PTPN4: variants seen among roughly 807,000 people sequenced by gnomAD.
The protein encoded by PTPN4 is protein tyrosine phosphatase non-receptor type 4.
A neutral mutation model predicts 135.5 loss-of-function variants in PTPN4; 49 were observed. The observed-to-expected ratio is 0.36, with a 90% CI of 0.29 to 0.46. The LOEUF is 0.46. PTPN4 is among the 20% of genes least tolerant of loss of function. The probability of loss-of-function intolerance (pLI) is 1.00; values close to 1 mark genes in which losing one functional copy is unlikely to be tolerated. For missense variants in PTPN4, 860 were observed against 1,101.0 expected (o/e 0.78, Z 3.10); for synonymous variants, 333 against 369.9 (o/e 0.90, Z 1.14).
chr2:119,871,878 G>C (rs1677915280), intron 3 of PTPN4, among the ~76,000 whole-genome samples: 1 of 152,072 alleles, frequency 6.6e-6, no homozygotes, highest in Admixed American at 6.6e-5. Context: ...CAGATTCATG[G>C]TTAGTTGGTC....
chr2:119,882,636 T>C lies in PTPN4; in HGVS notation c.587+13T>C. Reference sequence around the variant, plus strand: ...ATCAGCAACACATGTAAGAGTTTTTTAGTTTTTTATTTGATAAACTTCTTA... The same window carrying C: ...ATCAGCAACACATGTAAGAGTTTTTCAGTTTTTTATTTGATAAACTTCTTA... On this transcript the variant is annotated intron_variant, in intron 8 of 26. Transcript: ENST00000263708. 1 of 1,493,208 alleles carries C rather than the reference T, an allele frequency of 6.7e-7. No homozygotes were observed. The highest frequency in any genetic ancestry group is 1.3e-5 in the South Asian group (1 of 79,500). The allele number at this position is 1,493,208 out of a possible 1,614,324, so 92.5% of individuals were successfully genotyped here.
intron 2 of PTPN4, among the ~76,000 whole-genome samples, chr2:119,861,911 G>A (rs886554522): frequency 6.6e-6 from 1 of 152,032 alleles, no homozygotes; most frequent in Non-Finnish European, 1.5e-5. Flanking sequence ...TGAGTACTTT[G>A]GCAATGAAAA....
At chr2:119,817,902 C>G (rs1677012593) in intron 2 of PTPN4, among the ~76,000 whole-genome samples, 1 of 152,060 alleles carries the variant, frequency 6.6e-6, no homozygotes, top group South Asian at 2.1e-4. Flanking sequence ...TGTTCCTAGA[C>G]ATTTTATTCT....
chr2:119,819,920 G>A (rs1300883815), intron 2 of PTPN4, among the ~76,000 whole-genome samples: 1 of 152,048 alleles, frequency 6.6e-6, no homozygotes, highest in Non-Finnish European at 1.5e-5. Flanking sequence ...GAATGTGGTA[G>A]TACCACCATA....
intron 3 of PTPN4, among the ~76,000 whole-genome samples, chr2:119,872,953 A>G (rs1677933892): frequency 6.6e-6 from 1 of 152,170 alleles, no homozygotes; most frequent in African/African-American, 2.4e-5. Context: ...GACCAAGGCT[A>G]TTTACAATAG....
intron 1 of PTPN4, among the ~76,000 whole-genome samples, chr2:119,772,391 C>T (rs928380496): frequency 2.0e-5 from 3 of 152,100 alleles, no homozygotes; most frequent in African/African-American, 7.2e-5. Context: ...TTGTTATATG[C>T]AATTCTGAAA....
At chr2:119,822,224 T>C (rs951706802) in intron 2 of PTPN4, among the ~76,000 whole-genome samples, 1 of 152,176 alleles carries the variant, frequency 6.6e-6, no homozygotes, top group African/African-American at 2.4e-5. Flanking sequence ...CTCACACTTA[T>C]CCTCCAATGT....
intron 1 of PTPN4, among the ~76,000 whole-genome samples, chr2:119,785,334 A>C (rs574852602): frequency 2.0e-5 from 3 of 152,298 alleles, no homozygotes; most frequent in Middle Eastern, 3.4e-3. Context: ...ATTGGGTCCC[A>C]AAAATCTGTA....
Position 119,979,088 on chromosome 2 carries a change from AAT to A in PTPN4, c.*2022_*2023del, listed in dbSNP as rs1169558455. 1.3e-5 allele frequency: 2 copies of A among 152,138 alleles called. No homozygotes were observed. Among genetic ancestry groups the A allele is most frequent in the African/African-American group, 4.8e-5 (2 of 41,466 alleles). 9.4% of individuals were successfully genotyped at this position (152,138 alleles called of 1,614,324 possible). On this transcript the variant is annotated 3_prime_UTR_variant, in exon 27 of 27. Coordinates refer to ENST00000263708, the MANE Select transcript of PTPN4 (RefSeq NM_002830.4). Reference sequence around the variant, plus strand: ...GGTCATTCTGTTCTATAAACAGACAAATATAATTTAGGCTGCTATATGACATG... The same window carrying A: ...GGTCATTCTGTTCTATAAACAGACAAATAATTTAGGCTGCTATATGACATG...
At chr2:119,796,781 C>T (rs538623274) in intron 1 of PTPN4, among the ~76,000 whole-genome samples, 2 of 152,122 alleles carry the variant, frequency 1.3e-5, no homozygotes, top group South Asian at 4.1e-4. Flanking sequence ...ATTGTTGTAA[C>T]ATTTTATATT....
chr2:119,956,237 A>AAT (rs1679279639), intron 20 of PTPN4, among the ~76,000 whole-genome samples: 1 of 101,044 alleles, frequency 9.9e-6, no homozygotes, highest in Non-Finnish European at 1.9e-5. Flanking sequence ...ATAAACCTGA[A>AAT]TTTTTTTTTT....
chr2:119,793,916 C>G (rs765010201), intron 1 of PTPN4, among the ~76,000 whole-genome samples: 2 of 111,508 alleles, frequency 1.8e-5, no homozygotes, highest in Non-Finnish European at 3.3e-5. Context: ...AGTGCAGTGG[C>G]TTAATCATAG....
chr2:119,889,019 C>T (rs892347122), intron 9 of PTPN4, among the ~76,000 whole-genome samples: 1 of 152,092 alleles, frequency 6.6e-6, no homozygotes, highest in Non-Finnish European at 1.5e-5. Context: ...CATTATTGGT[C>T]TCTTCAGGTT....
intron 9 of PTPN4, among the ~76,000 whole-genome samples, chr2:119,890,794 C>T (rs1373170215): frequency 1.3e-5 from 2 of 152,080 alleles, no homozygotes; most frequent in Non-Finnish European, 2.9e-5. Flanking sequence ...TATAGAATTC[C>T]CACAGGATTT....
At chr2:119,869,930 G>T (rs1270558047) in intron 3 of PTPN4, among the ~76,000 whole-genome samples, 1 of 152,232 alleles carries the variant, frequency 6.6e-6, no homozygotes, top group African/African-American at 2.4e-5. Flanking sequence ...AGATTTCTGG[G>T]TAATGTAGTA....
chr2:119,876,258 A>C (rs1314017703), intron 3 of PTPN4, among the ~76,000 whole-genome samples: 1 of 152,196 alleles, frequency 6.6e-6, no homozygotes, highest in African/African-American at 2.4e-5. Context: ...TTTTAGGACT[A>C]TTCTTGCTTC....
At chr2:119,892,885 TG>T (rs1203993778) in intron 9 of PTPN4, among the ~76,000 whole-genome samples, 4 of 135,700 alleles carry the variant, frequency 2.9e-5, no homozygotes, top group African/African-American at 1.2e-4. Context: ...CCATGCTGGT[TG>T]AATTTTTTTT....
intron 1 of PTPN4, among the ~76,000 whole-genome samples, chr2:119,801,900 G>GTTTTTTTTTTTTTTTTTTTTTTTTCTGTT (rs768983862): frequency 1.0e-5 from 1 of 98,794 alleles, no homozygotes; most frequent in Admixed American, 1.2e-4. Context: ...CTTTCTTTCC[G>GTTTTTTTTTTTTTTTTTTTTTTTTCTGTT]TTTTTTTTTT....
In PTPN4 at chr2:119,877,498, A is replaced by G. The variant is rs61737537; in HGVS notation, c.324A>G (p.Lys108=). ...CTTACAGTTTGAACTTTAGAGTCAAATTTTTTGTAAGTGACCCCAACAAGT... is the reference window on the plus strand; with the variant it reads ...CTTACAGTTTGAACTTTAGAGTCAAGTTTTTTGTAAGTGACCCCAACAAGT... ...GSPYSLNFRV[K]FFVSDPNKLQ... Residue 108 remains lysine, a synonymous_variant, in exon 5 of 27, where the codon AAA becomes AAG. Coordinates refer to ENST00000263708, the MANE Select transcript of PTPN4 (RefSeq NM_002830.4). The G allele has an allele frequency of 0.028, 44,885 of 1,610,130 alleles. 799 individuals carry two copies. Among genetic ancestry groups the G allele is most frequent in the Non-Finnish European group, 0.032 (37,263 of 1,178,580 alleles).
Sources: allele counts gnomAD v4.1 joint callset (sites outside exome capture counted in the v4.1 genomes callset), GRCh38; gene constraint gnomAD v4.1.1; transcripts MANE v1.5; gene names NCBI Gene and HGNC (gene_info 2026-07-23, HGNC 2026-07-21).